Variants in UQCC1 observed in about 807,000 individuals in gnomAD.
The protein encoded by UQCC1 is bFGF-repressed Zic-binding protein.
A neutral mutation model predicts 48.0 loss-of-function variants in UQCC1; 38 were observed. That is an observed-to-expected ratio of 0.79 (90% CI 0.61 to 1.04). The LOEUF (loss-of-function observed/expected upper bound fraction) is 1.04, where lower values mean the gene tolerates loss of function less well. Ranked by LOEUF, UQCC1 falls within the 50% of genes least tolerant of loss-of-function variation. The probability of loss-of-function intolerance (pLI) is 0.00; values close to 1 mark genes in which losing one functional copy is unlikely to be tolerated. For synonymous variants in UQCC1, 111 were observed against 129.2 expected, an observed-to-expected ratio of 0.86 and a Z score of 0.95; for missense variants, 368 against 381.8, an observed-to-expected ratio of 0.96 and a Z score of 0.30.
At chr20:35,404,262 G>A (rs900488649) in intron 1 of UQCC1, among the ~76,000 whole-genome samples, 21 of 152,080 alleles carry the variant, frequency 1.4e-4, no homozygotes, top group South Asian at 2.1e-4. Flanking sequence ...CCAGCTACTC[G>A]GAGAGGCTGA....
At chr20:35,397,448 G>A (rs1255655406) in intron 1 of UQCC1, among the ~76,000 whole-genome samples, 7 of 148,448 alleles carry the variant, frequency 4.7e-5, no homozygotes, top group South Asian at 2.2e-4. Context: ...CCCGGGAGGC[G>A]GAGCTGGCAG....
chr20:35,352,161 GA>G (rs2061496536), intron 6 of UQCC1, among the ~76,000 whole-genome samples: 1 of 152,236 alleles, frequency 6.6e-6, no homozygotes, highest in Non-Finnish European at 1.5e-5. Context: ...AGGATAAGCT[GA>G]AGTTGAAGAG....
intron 6 of UQCC1, among the ~76,000 whole-genome samples, chr20:35,359,878 G>A (rs1041797918): frequency 2.6e-5 from 4 of 152,076 alleles, no homozygotes; most frequent in African/African-American, 9.7e-5. Context: ...TGTGTACATG[G>A]CTATCTCCAC....
At chr20:35,384,420 T>C in intron 2 of UQCC1, 1 of 337,604 alleles carries the variant, frequency 3.0e-6, no homozygotes, top group Admixed American at 4.0e-5. Context: ...GTGAGAGGAT[T>C]GCTTGAGGCC....
intron 1 of UQCC1, among the ~76,000 whole-genome samples, chr20:35,411,268 C>T (rs1234626823): frequency 6.6e-5 from 10 of 152,148 alleles, no homozygotes; most frequent in Non-Finnish European, 1.2e-4. Context: ...GCAGTAGTTT[C>T]ACACACGGGT....
chr20:35,381,769 TG>T, intron 4 of UQCC1, 148 bp downstream of exon 4: 1 of 615,170 alleles, frequency 1.6e-6, no homozygotes. Context: ...TGGTGATCAA[TG>T]GGGTGACAGA....
intron 1 of UQCC1, among the ~76,000 whole-genome samples, chr20:35,399,498 T>C (rs1298167818): frequency 6.6e-6 from 1 of 152,130 alleles, no homozygotes; most frequent in Non-Finnish European, 1.5e-5. Flanking sequence ...GCTAATTTCC[T>C]TGTAGTAATT....
intron 7 of UQCC1, among the ~76,000 whole-genome samples, chr20:35,338,636 AG>A (rs1232941864): frequency 6.6e-6 from 1 of 151,464 alleles, no homozygotes; most frequent in Non-Finnish European, 1.5e-5. Flanking sequence ...ACTTAAGGTC[AG>A]GAGTTTGAGA....
intron 1 of UQCC1, among the ~76,000 whole-genome samples, chr20:35,410,515 G>A (rs1393279653): frequency 2.7e-5 from 4 of 148,762 alleles, no homozygotes; most frequent in African/African-American, 9.9e-5. Context: ...CTGGGTGACA[G>A]AGCGAGACTC....
chr20:35,392,159 A>G (rs908313547), intron 2 of UQCC1: 7 of 1,071,002 alleles, frequency 6.5e-6, no homozygotes, highest in Non-Finnish European at 9.0e-6. Context: ...CAGCTCACAC[A>G]TCCCATTATG....
Position 35,306,736 on chromosome 20 carries a change from C to G in UQCC1, c.695G>C (p.Arg232Thr). 6.2e-7 allele frequency: 1 copy of G among 1,614,074 alleles called. No individual in the cohort carries two copies. Residue 232 changes from arginine to threonine, a missense_variant, in exon 9 of 10, where the codon AGA becomes ACA. Coordinates refer to ENST00000374385, the MANE Select transcript of UQCC1 (RefSeq NM_018244.5). Reference sequence around the variant, plus strand: ...TTCACATTTCCGGTTGAAGAAGGTTCTCCAGAGGGCAGCGGCCAGCCCATG... The same window carrying G: ...TTCACATTTCCGGTTGAAGAAGGTTGTCCAGAGGGCAGCGGCCAGCCCATG... ...DDHGLAAALW[R>T]TFFNRKCEDP...
intron 8 of UQCC1, among the ~76,000 whole-genome samples, chr20:35,311,180 C>T (rs943871335): frequency 3.9e-5 from 6 of 151,972 alleles, no homozygotes; most frequent in South Asian, 4.2e-4. Flanking sequence ...GTAAGGCAAA[C>T]GGCCTAAGAG....
At chr20:35,378,723 G>A (rs1021463619) in intron 4 of UQCC1, among the ~76,000 whole-genome samples, 9 of 152,340 alleles carry the variant, frequency 5.9e-5, no homozygotes, top group Admixed American at 4.6e-4. Context: ...TTGATTCACA[G>A]TCAACCATCT....
intron 2 of UQCC1, among the ~76,000 whole-genome samples, chr20:35,391,616 A>G (rs1473606566): frequency 7.0e-6 from 1 of 141,956 alleles, no homozygotes; most frequent in South Asian, 2.3e-4. Flanking sequence ...CCTGGACGAC[A>G]GAGTGGGACT....
chr20:35,404,959 C>T (rs1319981170), intron 1 of UQCC1, among the ~76,000 whole-genome samples: 1 of 152,150 alleles, frequency 6.6e-6, no homozygotes, highest in Non-Finnish European at 1.5e-5. Flanking sequence ...CCAATATATT[C>T]CTGGGCATCT....
intron 6 of UQCC1, among the ~76,000 whole-genome samples, chr20:35,358,356 C>CAAAAAAAAAAAAAAAAAAAAAAAAAAA (rs1198006186): frequency 2.0e-5 from 1 of 49,392 alleles, no homozygotes; most frequent in Non-Finnish European, 3.3e-5. Context: ...GACTCTGTCT[C>CAAAAAAAAAAAAAAAAAAAAAAAAAAA]AAAAAAAAAA....
At chr20:35,403,041 T>A (rs2062191471) in intron 1 of UQCC1, among the ~76,000 whole-genome samples, 2 of 148,796 alleles carry the variant, frequency 1.3e-5, no homozygotes, top group East Asian at 4.0e-4. Context: ...CACTCCAGCC[T>A]AGGGGACAAG....
intron 7 of UQCC1, among the ~76,000 whole-genome samples, chr20:35,326,327 C>T (rs187134385): frequency 5.9e-5 from 9 of 152,280 alleles, no homozygotes; most frequent in Admixed American, 5.9e-4. Flanking sequence ...AAGATGAAAA[C>T]GGAATGCAAG....
intron 7 of UQCC1, among the ~76,000 whole-genome samples, chr20:35,317,963 A>G (rs1239933539): frequency 1.3e-5 from 2 of 152,214 alleles, no homozygotes; most frequent in African/African-American, 4.8e-5. Context: ...CCAGAGCTAG[A>G]GTTCATTCCT....
Sources: gnomAD v4.1 joint callset for allele counts (sites outside exome capture counted in the v4.1 genomes callset) on GRCh38, gnomAD v4.1.1 for gene constraint, MANE v1.5 for transcripts, NCBI Gene and HGNC (gene_info 2026-07-23, HGNC 2026-07-21) for gene names.